The following KIF18A variants were observed in gnomAD, a reference collection of about 807,000 sequenced individuals.
The protein encoded by KIF18A is kinesin-like protein KIF18A.
In KIF18A, 67 loss-of-function variants were observed where a neutral mutation model predicts 103.3. That is an observed-to-expected ratio of 0.65 (90% CI 0.53 to 0.79). The LOEUF (loss-of-function observed/expected upper bound fraction) is 0.79, where lower values mean the gene tolerates loss of function less well. KIF18A is among the 30% of genes least tolerant of loss of function. The pLI is 0.00. For synonymous variants in KIF18A, 367 were observed against 355.5 expected, an observed-to-expected ratio of 1.03 and a Z score of -0.36; for missense variants, 1,032 against 1,062.5, an observed-to-expected ratio of 0.97 and a Z score of 0.40.
intron 13 of KIF18A, among the ~76,000 whole-genome samples, chr11:28,054,852 TATC>T (rs1222453557): frequency 2.0e-5 from 3 of 152,188 alleles, no homozygotes; most frequent in Non-Finnish European, 4.4e-5. Context: ...CCTTCAAAAA[TATC>T]ATGAGAAGGA....
At chr11:28,087,041 A>C (rs911074539) in intron 6 of KIF18A, among the ~76,000 whole-genome samples, 11 of 152,120 alleles carry the variant, frequency 7.2e-5, no homozygotes, top group African/African-American at 2.4e-4. Flanking sequence ...AACATTTTGA[A>C]CAGTTTAACA....
intron 15 of KIF18A, among the ~76,000 whole-genome samples, chr11:28,028,561 C>T (rs1347489264): frequency 1.3e-5 from 2 of 151,558 alleles, no homozygotes; most frequent in East Asian, 3.9e-4. Context: ...CAGTAAATGC[C>T]CACAAGAGAA....
intron 10 of KIF18A, among the ~76,000 whole-genome samples, chr11:28,076,177 T>C (rs748592378): frequency 1.8e-4 from 27 of 152,130 alleles, no homozygotes; most frequent in Non-Finnish European, 3.4e-4. Flanking sequence ...GGTCTGTGTT[T>C]GGAAGGGAGA....
At chr11:28,062,251 C>G (rs1024200719) in intron 12 of KIF18A, 144 bp downstream of exon 12, 4 of 638,880 alleles carry the variant, frequency 6.3e-6, no homozygotes, top group African/African-American at 1.9e-5. Context: ...AAATAACTCT[C>G]TTAATGTTTT....
intron 10 of KIF18A, among the ~76,000 whole-genome samples, chr11:28,071,463 A>G (rs1240921708): frequency 6.7e-6 from 1 of 149,406 alleles, no homozygotes; most frequent in Non-Finnish European, 1.5e-5. Flanking sequence ...TTAACATTTA[A>G]TTATTTATAA....
At chr11:28,035,522 A>T in intron 14 of KIF18A, 28 bp from the exon 15 acceptor site, 3 of 1,321,556 alleles carry the variant, frequency 2.3e-6, no homozygotes, top group Non-Finnish European at 3.1e-6. Flanking sequence ...CAAATAAAAA[A>T]TAATAATTTT....
At chr11:28,096,542 C>A (rs1851376671) in intron 2 of KIF18A, among the ~76,000 whole-genome samples, 1 of 152,066 alleles carries the variant, frequency 6.6e-6, no homozygotes, top group Admixed American at 6.5e-5. Context: ...GATAGAGAGT[C>A]TACTTTTTTT....
chr11:28,099,332 G>T (rs1032983444), intron 1 of KIF18A, among the ~76,000 whole-genome samples: 11 of 152,050 alleles, frequency 7.2e-5, no homozygotes, highest in African/African-American at 2.7e-4. Flanking sequence ...TGAGGAGGGT[G>T]GGGTGGGTGG....
At chr11:28,096,253 C>T (rs900644715) in intron 2 of KIF18A, among the ~76,000 whole-genome samples, 6 of 144,646 alleles carry the variant, frequency 4.1e-5, no homozygotes, top group Non-Finnish European at 9.1e-5. Context: ...ACACCCAATA[C>T]AATAATCAGT....
At chr11:28,083,068 T>A (rs1295675535) in intron 8 of KIF18A, 100 bp from the exon 9 acceptor site, 1 of 1,477,380 alleles carries the variant, frequency 6.8e-7, no homozygotes, top group Non-Finnish European at 9.0e-7. Flanking sequence ...CAGATTTTAA[T>A]TTTAATAGAA....
At chr11:28,026,425 A>C (rs1850322015) in intron 15 of KIF18A, among the ~76,000 whole-genome samples, 1 of 151,852 alleles carries the variant, frequency 6.6e-6, no homozygotes, top group African/African-American at 2.4e-5. Context: ...AGATTAAAAA[A>C]AGTAATCATG....
chr11:28,053,385 CAT>C (rs1850736234), intron 13 of KIF18A, among the ~76,000 whole-genome samples: 1 of 150,698 alleles, frequency 6.6e-6, no homozygotes, highest in Non-Finnish European at 1.5e-5. Context: ...TTTTTCCAGT[CAT>C]ATACAAATGT....
intron 13 of KIF18A, among the ~76,000 whole-genome samples, chr11:28,054,979 G>C (rs1050646324): frequency 6.6e-6 from 1 of 152,068 alleles, no homozygotes; most frequent in African/African-American, 2.4e-5. Flanking sequence ...CATATAGCAG[G>C]TGGTCAGTAT....
At chr11:28,087,880 GTA>G (rs1183568053) in intron 6 of KIF18A, among the ~76,000 whole-genome samples, 1 of 152,142 alleles carries the variant, frequency 6.6e-6, no homozygotes, top group Non-Finnish European at 1.5e-5. Context: ...AAGCTTTCGA[GTA>G]TGGTTTAACT....
At chr11:28,099,725 C>T (rs1851421495) in intron 1 of KIF18A, among the ~76,000 whole-genome samples, 1 of 151,974 alleles carries the variant, frequency 6.6e-6, no homozygotes, top group African/African-American at 2.4e-5. Flanking sequence ...GAGAAGGACC[C>T]AGGGTGCTAC....
At chr11:28,064,165 G>T (rs1850888751) in intron 11 of KIF18A, among the ~76,000 whole-genome samples, 1 of 151,388 alleles carries the variant, frequency 6.6e-6, no homozygotes, top group Non-Finnish European at 1.5e-5. Flanking sequence ...AAAGTTAGGA[G>T]TTATTTATAT....
chr11:28,028,499 T>C (rs895435424), intron 15 of KIF18A, among the ~76,000 whole-genome samples: 2 of 151,872 alleles, frequency 1.3e-5, no homozygotes, highest in Admixed American at 1.3e-4. Flanking sequence ...AGACATGACA[T>C]ACCAGAATCT....
intron 10 of KIF18A, among the ~76,000 whole-genome samples, chr11:28,069,802 C>G (rs1475980852): frequency 6.6e-6 from 1 of 151,898 alleles, no homozygotes; most frequent in African/African-American, 2.4e-5. Context: ...AAAGCAGATG[C>G]ATATATTGCT....
At chr11:28,053,258 G>T (rs988425684) in intron 13 of KIF18A, among the ~76,000 whole-genome samples, 14 of 152,152 alleles carry the variant, frequency 9.2e-5, no homozygotes, top group Admixed American at 7.2e-4. Flanking sequence ...TGGAAGAAAT[G>T]ATGTGCTGTC....
Sources: allele counts gnomAD v4.1 joint callset (sites outside exome capture counted in the v4.1 genomes callset), GRCh38; gene constraint gnomAD v4.1.1; transcripts MANE v1.5; gene names NCBI Gene and HGNC (gene_info 2026-07-23, HGNC 2026-07-21).